Variants in TACR3 observed in about 807,000 individuals in gnomAD.
TACR3 encodes neuromedin-K receptor.
A neutral mutation model predicts 35.0 loss-of-function variants in TACR3; 34 were observed. The observed-to-expected ratio is 0.97, with a 90% CI of 0.74 to 1.30. The LOEUF (loss-of-function observed/expected upper bound fraction) is 1.30, where lower values mean the gene tolerates loss of function less well. TACR3 is among the 50% of genes most tolerant of loss of function. The pLI is 0.00. For missense variants in TACR3, 558 were observed against 591.7 expected (o/e 0.94, Z 0.59); for synonymous variants, 233 against 221.1 (o/e 1.05, Z -0.48).
rs567032161 is a variant in TACR3, at chr4:103,589,254, A to G, written c.*428T>C. 63 of 156,096 alleles carry G rather than the reference A, an allele frequency of 4.0e-4. No homozygotes were observed. The highest frequency in any genetic ancestry group is 7.0e-4 in the Non-Finnish European group (49 of 70,270). The allele number at this position is 156,096 out of a possible 1,614,324, so 9.7% of individuals were successfully genotyped here. A position where few individuals can be genotyped will look rare whatever the true frequency, so the allele number is the denominator to read the frequency against. ...CCCATTTTATATCTCTAGGCAAAAA[A>G]GCCTATTTTATACAGATTTTATACA... On this transcript the variant is annotated 3_prime_UTR_variant, in exon 5 of 5. Transcript: ENST00000304883.
intron 1 of TACR3, among the ~76,000 whole-genome samples, chr4:103,679,896 A>G (rs943455608): frequency 6.6e-6 from 1 of 151,930 alleles, no homozygotes; most frequent in African/African-American, 2.4e-5. Context: ...GGGCAGACTA[A>G]CAATACAAGC....
chr4:103,695,257 G>A lies in TACR3; in HGVS notation c.548+23871C>T, dbSNP rs567839218. Among the ~76,000 whole-genome samples, 156 of 152,078 alleles carry A rather than the reference G, an allele frequency of 1.0e-3. 1 individual carries two copies. Among genetic ancestry groups the A allele is most frequent in the Admixed American group, 1.5e-3 (23 of 15,274 alleles). ...TTGAACTACACAGGTCCACTTATAC[G>A]CGGATTGTTTTCAGTAAAATTACAC... On this transcript the variant is annotated intron_variant, in intron 1 of 4. Transcript: ENST00000304883.
chr4:103,695,187 T>C (rs1578260862), intron 1 of TACR3, among the ~76,000 whole-genome samples: 1 of 152,204 alleles, frequency 6.6e-6, no homozygotes, highest in East Asian at 1.9e-4. Flanking sequence ...CTTTTCAGTA[T>C]GTGTTTTCTA....
chr4:103,611,732 T>A (rs1309914207), intron 3 of TACR3, among the ~76,000 whole-genome samples: 1 of 152,122 alleles, frequency 6.6e-6, no homozygotes, highest in Non-Finnish European at 1.5e-5. Flanking sequence ...AAAGTTTACT[T>A]TTTTGCCCCT....
rs186144861 is a variant in TACR3 at position 103,607,371 on chromosome 4, G to A, written c.889-15688C>T. Among the ~76,000 whole-genome samples, 339 of 152,082 alleles carry A rather than the reference G, an allele frequency of 2.2e-3. 2 individuals carry two copies. Among genetic ancestry groups the A allele is most frequent in the African/African-American group, 7.9e-3 (329 of 41,526 alleles). ...TTTCAGACTCAGTTTATGAACATTTGAATTGCAGGAAGCATTATGTATTTA... is the reference window on the plus strand; with the variant it reads ...TTTCAGACTCAGTTTATGAACATTTAAATTGCAGGAAGCATTATGTATTTA... On this transcript the variant is annotated intron_variant, in intron 3 of 4. Transcript: ENST00000304883.
At chr4:103,641,837 C>A (rs1016962914) in intron 3 of TACR3, among the ~76,000 whole-genome samples, 1 of 151,786 alleles carries the variant, frequency 6.6e-6, no homozygotes, top group African/African-American at 2.4e-5. Flanking sequence ...CATGGATGAA[C>A]CTGAAGGACA....
intron 3 of TACR3, among the ~76,000 whole-genome samples, chr4:103,607,086 A>T (rs1724391792): frequency 6.6e-6 from 1 of 152,158 alleles, no homozygotes; most frequent in African/African-American, 2.4e-5. Context: ...CAATATACGC[A>T]AATCAATAAA....
At chr4:103,615,989 A>G (rs188733476) in intron 3 of TACR3, among the ~76,000 whole-genome samples, 13 of 152,328 alleles carry the variant, frequency 8.5e-5, no homozygotes, top group African/African-American at 3.1e-4. Context: ...CCGGAAATAC[A>G]TTTTATAACA....
chr4:103,680,928 A>G (rs552364197), intron 1 of TACR3, among the ~76,000 whole-genome samples: 3 of 152,018 alleles, frequency 2.0e-5, no homozygotes, highest in South Asian at 4.1e-4. Context: ...AGAAAACTCT[A>G]ATTATAGGAG....
intron 4 of TACR3, among the ~76,000 whole-genome samples, chr4:103,590,346 G>T (rs1279266022): frequency 1.3e-5 from 2 of 152,054 alleles, no homozygotes; most frequent in Admixed American, 6.6e-5. Flanking sequence ...AAATATAATT[G>T]AATTAGGCTG....
chr4:103,597,132 G>A (rs1724047855), intron 3 of TACR3, among the ~76,000 whole-genome samples: 1 of 146,034 alleles, frequency 6.8e-6, no homozygotes, highest in Non-Finnish European at 1.5e-5. Flanking sequence ...TGGGAAGGCT[G>A]GGTCAAATGG....
At chr4:103,686,128 T>A (rs539588954) in intron 1 of TACR3, among the ~76,000 whole-genome samples, 2 of 152,308 alleles carry the variant, frequency 1.3e-5, no homozygotes, top group African/African-American at 4.8e-5. Context: ...GACAGTCAAG[T>A]AAGGCTCTGT....
intron 1 of TACR3, among the ~76,000 whole-genome samples, chr4:103,690,064 AT>A (rs1024821901): frequency 6.6e-6 from 1 of 152,188 alleles, no homozygotes; most frequent in African/African-American, 2.4e-5. Context: ...GGGATGGAAT[AT>A]TAAAAGTGTA....
chr4:103,635,926 T>C (rs948626953), intron 3 of TACR3, among the ~76,000 whole-genome samples: 3 of 151,978 alleles, frequency 2.0e-5, no homozygotes, highest in Non-Finnish European at 4.4e-5. Context: ...TCTTTTGCTT[T>C]GTATCATCAC....
At chr4:103,646,362 G>C (rs1451441580) in intron 3 of TACR3, among the ~76,000 whole-genome samples, 1 of 151,966 alleles carries the variant, frequency 6.6e-6, no homozygotes, top group Non-Finnish European at 1.5e-5. Context: ...AATAATCTTT[G>C]ACGAATGAAG....
chr4:103,698,911 C>A (rs980194853), intron 1 of TACR3, among the ~76,000 whole-genome samples: 3 of 152,112 alleles, frequency 2.0e-5, no homozygotes, highest in African/African-American at 7.2e-5. Flanking sequence ...ATGTACCCCC[C>A]ATAAATATGT....
intron 1 of TACR3, among the ~76,000 whole-genome samples, chr4:103,691,220 G>GGGT (rs1313508548): frequency 1.3e-5 from 2 of 152,136 alleles, no homozygotes; most frequent in Non-Finnish European, 2.9e-5. Context: ...AATGTCCTTT[G>GGGT]TAAACAAACT....
chr4:103,602,510 T>G (rs1317371503), intron 3 of TACR3, among the ~76,000 whole-genome samples: 1 of 152,154 alleles, frequency 6.6e-6, no homozygotes, highest in Admixed American at 6.5e-5. Context: ...TTTTCCCATC[T>G]TTGTGGTTTT....
At chr4:103,711,934 C>T (rs1270095954) in intron 1 of TACR3, among the ~76,000 whole-genome samples, 2 of 152,124 alleles carry the variant, frequency 1.3e-5, no homozygotes, top group Non-Finnish European at 2.9e-5. Flanking sequence ...ATCCAACTTA[C>T]AAGGGATGTG....
Sources: allele counts gnomAD v4.1 joint callset (sites outside exome capture counted in the v4.1 genomes callset), GRCh38; gene constraint gnomAD v4.1.1; transcripts MANE v1.5; gene names NCBI Gene and HGNC (gene_info 2026-07-23, HGNC 2026-07-21).